Variants in NFASC observed in about 807,000 individuals in gnomAD.
NFASC encodes neurofascin.
NFASC carries 43 observed loss-of-function variants against 147.5 expected under a neutral mutation model. That is an observed-to-expected ratio of 0.29 (90% CI 0.23 to 0.38). NFASC has a LOEUF of 0.38. Among genes scored for constraint, NFASC ranks in the 10% least tolerant of loss-of-function variants. The pLI is 1.00. For synonymous variants in NFASC, 622 were observed against 665.5 expected (o/e 0.93, Z 1.01); for missense variants, 1,320 against 1,689.0 (o/e 0.78, Z 3.83).
At chr1:204,838,160 T>C (rs1674302221) in intron 1 of NFASC, among the ~76,000 whole-genome samples, 1 of 152,258 alleles carries the variant, frequency 6.6e-6, no homozygotes, top group South Asian at 2.1e-4. Flanking sequence ...ATGTTCTGTA[T>C]CTGCACAGTC....
intron 24 of NFASC, among the ~76,000 whole-genome samples, chr1:204,992,673 T>A (rs2150695439): frequency 6.6e-6 from 1 of 152,192 alleles, no homozygotes; most frequent in South Asian, 2.1e-4. Context: ...GTCTCTCCCG[T>A]GACGAAGAGG....
At chr1:204,906,298 C>G (rs751986643) in intron 1 of NFASC, among the ~76,000 whole-genome samples, 1 of 152,106 alleles carries the variant, frequency 6.6e-6, no homozygotes, top group Non-Finnish European at 1.5e-5. Context: ...ATGTAACCAC[C>G]ACCATAAGCA....
In NFASC at chr1:204,997,418, C is replaced by T. The variant is rs368793028; in HGVS notation, c.3019+12C>T. ...GATACACGAATCCGGTACTGCGCATCGCCCATGCTCCCCATCCCCTCCTGG... is the reference window on the plus strand; with the variant it reads ...GATACACGAATCCGGTACTGCGCATTGCCCATGCTCCCCATCCCCTCCTGG... On this transcript the variant is annotated intron_variant, in intron 25 of 29. Coordinates refer to ENST00000339876, the MANE Select transcript of NFASC (RefSeq NM_001005388.3). The T allele has an allele frequency of 2.1e-5, 33 of 1,551,652 alleles. No individual in the cohort carries two copies. Among genetic ancestry groups the T allele is most frequent in the Non-Finnish European group, 2.5e-5 (29 of 1,146,948 alleles).
chr1:204,859,900 G>A (rs900677921), intron 1 of NFASC, among the ~76,000 whole-genome samples: 1 of 152,210 alleles, frequency 6.6e-6, no homozygotes, highest in Non-Finnish European at 1.5e-5. Context: ...CTGGGCAGTT[G>A]GAGACCAAAC....
intron 1 of NFASC, among the ~76,000 whole-genome samples, chr1:204,893,801 A>G (rs1360577948): frequency 6.6e-6 from 1 of 152,194 alleles, no homozygotes; most frequent in African/African-American, 2.4e-5. Flanking sequence ...CTTATTCAGT[A>G]AGTCCATTAT....
At chr1:204,844,989 A>G (rs777738567) in intron 1 of NFASC, among the ~76,000 whole-genome samples, 10 of 152,092 alleles carry the variant, frequency 6.6e-5, no homozygotes, top group African/African-American at 1.4e-4. Context: ...AGAGAAAGGA[A>G]TGTGCTTATT....
chr1:204,926,563 G>A (rs936869612), intron 2 of NFASC, among the ~76,000 whole-genome samples: 5 of 149,626 alleles, frequency 3.3e-5, no homozygotes, highest in South Asian at 2.1e-4. Context: ...ACAGTTGCGC[G>A]CCACCATGCC....
At chr1:204,958,657 G>GC (rs1036263851) in intron 8 of NFASC, among the ~76,000 whole-genome samples, 1 of 152,118 alleles carries the variant, frequency 6.6e-6, no homozygotes, top group African/African-American at 2.4e-5. Flanking sequence ...CCATAAAGGA[G>GC]CCCCCCAAAA....
chr1:204,841,495 C>T (rs1014540625), intron 1 of NFASC, among the ~76,000 whole-genome samples: 1 of 152,148 alleles, frequency 6.6e-6, no homozygotes, highest in African/African-American at 2.4e-5. Context: ...AGCATGGGAG[C>T]TTTGTGAGTC....
chr1:204,855,614 C>T (rs1165639131), intron 1 of NFASC, among the ~76,000 whole-genome samples: 1 of 152,100 alleles, frequency 6.6e-6, no homozygotes, highest in African/African-American at 2.4e-5. Flanking sequence ...AAGTCAAACC[C>T]AGTTGGACCC....
At chr1:204,997,104 G>A in intron 24 of NFASC, 66 bp from the exon 25 acceptor site, 1 of 1,559,708 alleles carries the variant, frequency 6.4e-7, no homozygotes. Flanking sequence ...TGCACGCGGG[G>A]GCCGTGTGTC....
At chr1:204,980,325 G>A in intron 19 of NFASC, 45 bp from the exon 20 acceptor site, 2 of 1,541,238 alleles carry the variant, frequency 1.3e-6, no homozygotes, top group Non-Finnish European at 9.0e-7. Flanking sequence ...CCTTGCCCTG[G>A]AAAGGCACAA....
At chr1:204,940,118 CT>C (rs999733293) in intron 2 of NFASC, among the ~76,000 whole-genome samples, 2 of 152,170 alleles carry the variant, frequency 1.3e-5, no homozygotes, top group Non-Finnish European at 2.9e-5. Context: ...CAATATTATA[CT>C]TTTCTTTTTT....
rs55858215 is a variant in NFASC, at chr1:204,979,110, C to T, written c.1978+41C>T. 1.1e-3 allele frequency: 1,645 copies of T among 1,478,170 alleles called. 15 individuals are homozygous for T. The African/African-American group carries it at 0.019, about 17-fold the overall frequency. The allele number at this position is 1,478,170 out of a possible 1,614,324, so 91.6% of individuals were successfully genotyped here. ...GCACCCCAAAGCTGGAAAAGAGGGA[C>T]GGCAACACCCTTAAACCGAAGGCCT... On this transcript the variant is annotated intron_variant, in intron 18 of 29. Coordinates refer to ENST00000339876, the MANE Select transcript of NFASC (RefSeq NM_001005388.3). This position sits in a 1 kb window ranked among gnomAD's most constrained non-coding sequence, Gnocchi z 6.0.
rs572662737 is a variant in NFASC at position 205,016,883 on chromosome 1, C to T, written c.*344C>T. 3.1e-5 allele frequency: 12 copies of T among 387,972 alleles called. No individual in the cohort carries two copies. Among genetic ancestry groups the T allele is most frequent in the Middle Eastern group, 8.1e-4 (1 of 1,232 alleles). 24.0% of individuals were successfully genotyped at this position (387,972 alleles called of 1,614,324 possible). On this transcript the variant is annotated 3_prime_UTR_variant, in exon 30 of 30. Transcript: ENST00000339876. The surrounding 1 kb of genome is among the most constrained non-coding windows in gnomAD (Gnocchi z 5.1). ...ACACGCTCACCTTTTCTGTTGGTTACGGGACTTCTCATTGTCTTAATTTCG... is the reference window on the plus strand; with the variant it reads ...ACACGCTCACCTTTTCTGTTGGTTATGGGACTTCTCATTGTCTTAATTTCG...
chr1:204,830,649 T>C (rs150294218), intron 1 of NFASC, among the ~76,000 whole-genome samples: 4 of 140,850 alleles, frequency 2.8e-5, no homozygotes, highest in African/African-American at 1.1e-4. Flanking sequence ...TGTTGTGTGA[T>C]GTGTGTATAG....
At position 204,968,044 on chromosome 1, in the gene NFASC, C is replaced by G. The variant is rs2095056661; in HGVS notation, c.707-205C>G. On this transcript the variant is annotated intron_variant, in intron 8 of 29. Coordinates refer to ENST00000339876, the MANE Select transcript of NFASC (RefSeq NM_001005388.3). The surrounding 1 kb of genome is among the most constrained non-coding windows in gnomAD (Gnocchi z 5.4). ...AGGCAGATCCTTTCAGAACCTAGAG[C>G]TCCTCTCTCTCATGTAGGTGGGGCT... is the stretch of plus-strand genomic sequence containing the variant. 1 of 530,236 alleles carries G rather than the reference C, an allele frequency of 1.9e-6. No homozygotes were observed. Among genetic ancestry groups the G allele is most frequent in the Non-Finnish European group, 3.4e-6 (1 of 294,182 alleles). 32.8% of individuals were successfully genotyped at this position (530,236 alleles called of 1,614,324 possible).
intron 27 of NFASC, among the ~76,000 whole-genome samples, chr1:205,004,191 C>T (rs897954922): frequency 2.0e-5 from 3 of 152,238 alleles, no homozygotes; most frequent in African/African-American, 7.2e-5. Context: ...AAATAGAGTT[C>T]CATCCTAGGG....
At chr1:204,942,173 G>C (rs2093401396) in intron 2 of NFASC, among the ~76,000 whole-genome samples, 1 of 152,198 alleles carries the variant, frequency 6.6e-6, no homozygotes, top group African/African-American at 2.4e-5. Flanking sequence ...CTTTTGGAAT[G>C]AATACAAAGT....
Sources: allele counts gnomAD v4.1 joint callset (sites outside exome capture counted in the v4.1 genomes callset), GRCh38; gene constraint gnomAD v4.1.1; non-coding constraint Gnocchi (gnomAD v3.1); transcripts MANE v1.5; gene names NCBI Gene and HGNC (gene_info 2026-07-23, HGNC 2026-07-21).